The following DCHS1 variants were observed in gnomAD, a reference collection of about 807,000 sequenced individuals.
DCHS1 encodes dachsous cadherin-related 1.
In DCHS1, 78 loss-of-function variants were observed where a neutral mutation model predicts 213.9. That is an observed-to-expected ratio of 0.36 (90% confidence interval 0.30 to 0.44). DCHS1 has a LOEUF of 0.44. Ranked by LOEUF, DCHS1 falls within the 20% of genes least tolerant of loss-of-function variation. The probability of loss-of-function intolerance (pLI) is 1.00; values close to 1 mark genes in which losing one functional copy is unlikely to be tolerated. For missense variants in DCHS1, 3,946 were observed against 4,395.9 expected (o/e 0.90, Z 2.89); for synonymous variants, 1,828 against 1,873.7 (o/e 0.98, Z 0.63).
At chr11:6,646,174 T>C (rs1481027450) in intron 1 of DCHS1, among the ~76,000 whole-genome samples, 1 of 151,818 alleles carries the variant, frequency 6.6e-6, no homozygotes, top group African/African-American at 2.4e-5. Flanking sequence ...ACAGGCCCAG[T>C]GTCACGTATG....
rs546047071 is a variant in DCHS1 at position 6,622,381 on chromosome 11, G to A, written c.9295C>T (p.Leu3099=). The change falls in exon 21 of 21, where the codon CTG becomes TTG. Residue 3099 remains leucine (L), a synonymous_variant. Coordinates refer to ENST00000299441, the MANE Select transcript of DCHS1 (RefSeq NM_003737.4). This position sits in a 1 kb window ranked among gnomAD's most constrained non-coding sequence, Gnocchi z 5.4. ...TAGAGAGTGGCTCCTGCACCTGGCA[G>A]CAGCAGCCCTGCCTTTCGGCCCTTA... ...WYKGRKAGLL[L]PGAGATLYRE... is the part of the protein sequence containing the mutation. The A allele has an allele frequency of 1.2e-4, 185 of 1,564,748 alleles. 2 individuals are homozygous for A. The highest frequency in any genetic ancestry group is 1.2e-3 in the Middle Eastern group (7 of 5,938).
Position 6,633,040 on chromosome 11 carries a change from C to T in DCHS1, c.2472G>A (p.Val824=), listed in dbSNP as rs756173069. The T allele has an allele frequency of 1.2e-6, 2 of 1,606,032 alleles. No homozygotes were observed. The highest frequency in any genetic ancestry group is 3.3e-5 in the Admixed American group (2 of 59,832). ...GATCCCCACCTGATAGGGAAAGGGT[C>T]ACAGGTGCCAAGCGACCTAGGGAGG... The part of the protein sequence containing the change: ...AHNPPGRLAP[V]TLSLSGGDPR... Residue 824 remains valine (V), a synonymous_variant, in exon 6 of 21, where the codon GTG becomes GTA. Coordinates refer to ENST00000299441, the MANE Select transcript of DCHS1 (RefSeq NM_003737.4).
chr11:6,631,944 G>GGA lies in DCHS1; in HGVS notation c.3481+85_3481+86dup. On this transcript the variant is annotated intron_variant, in intron 6 of 20. Coordinates refer to ENST00000299441, the MANE Select transcript of DCHS1 (RefSeq NM_003737.4). ...AATCCTCATTCTCAGGGGCGAGATG[G>GGA]GAGCTGGGGGTTGGGGATCCTGTCT... The GGA allele has an allele frequency of 2.1e-6, 3 of 1,456,344 alleles. No homozygotes were observed. In the South Asian group the frequency reaches 4.4e-5, roughly 21 times the overall value. 90.2% of individuals were successfully genotyped at this position (1,456,344 alleles called of 1,614,324 possible). A position where few individuals can be genotyped will look rare whatever the true frequency, so the allele number is the denominator to read the frequency against.
At position 6,622,708 on chromosome 11, in the gene DCHS1, C is replaced by T. The variant is rs1482262380; in HGVS notation, c.8968G>A (p.Gly2990Ser). 1 of 1,592,064 alleles carries T rather than the reference C, an allele frequency of 6.3e-7. No homozygotes were observed. Among genetic ancestry groups the T allele is most frequent in the Admixed American group, 1.8e-5 (1 of 56,948 alleles). Reference protein sequence around the residue: ...PLASDSLQKLGREPPSPPPSE... With the variant: ...PLASDSLQKLSREPPSPPPSE... ...GGTGGTGGACTAGGTGGCTCCCGGCCCAGTTTCTGCAGTGAGTCACTGGCT... is the reference window on the plus strand; with the variant it reads ...GGTGGTGGACTAGGTGGCTCCCGGCTCAGTTTCTGCAGTGAGTCACTGGCT... Residue 2990 changes from glycine (G) to serine (S), a missense_variant, in exon 21 of 21, where the codon GGC (glycine) becomes AGC (serine). Coordinates refer to ENST00000299441, the MANE Select transcript of DCHS1 (RefSeq NM_003737.4). The surrounding 1 kb of genome is among the most constrained non-coding windows in gnomAD (Gnocchi z 5.4).
Position 6,630,660 on chromosome 11 carries a change from G to C in DCHS1, c.4134C>G (p.Thr1378=). 1 of 1,534,800 alleles carries C rather than the reference G, an allele frequency of 6.5e-7. No individual in the cohort carries two copies. The highest frequency in any genetic ancestry group is 1.2e-5 in the South Asian group (1 of 83,826). ...GCCCTGAGGCCGCATCCAGCGCGAA[G>C]GTGCCCTCGGGATCGGCACCGCCCA... is the stretch of plus-strand genomic sequence containing the variant. The part of the protein sequence containing the change: ...TLVGGADPEG[T]FALDAASGRL... The change falls in exon 10 of 21, where the codon ACC becomes ACG. Residue 1378 remains threonine, a synonymous_variant. Transcript: ENST00000299441.
chr11:6,633,369 G>T (rs751363025), intron 5 of DCHS1, 43 bp downstream of exon 5: 1 of 1,522,160 alleles, frequency 6.6e-7, no homozygotes, highest in East Asian at 2.5e-5. Context: ...TTATACTGGG[G>T]TATTTGGGTC....
chr11:6,636,461 T>C (rs994809100), intron 2 of DCHS1, among the ~76,000 whole-genome samples: 2 of 152,160 alleles, frequency 1.3e-5, no homozygotes, highest in African/African-American at 4.8e-5. Context: ...CCTTCCACCT[T>C]GGCCTCCCAA....
Position 6,626,855 on chromosome 11 carries a change from C to G in DCHS1, c.6184G>C (p.Ala2062Pro). Residue 2062 changes from alanine to proline, a missense_variant, in exon 14 of 21, where the codon GCT becomes CCT. Ala to Pro is a conservative substitution (Grantham distance 27, BLOSUM62 -1). Coordinates refer to ENST00000299441, the MANE Select transcript of DCHS1 (RefSeq NM_003737.4). This position sits in a 1 kb window ranked among gnomAD's most constrained non-coding sequence, Gnocchi z 5.2. ...CGGGGAAAGCGGGGTCCACGCTCAG[C>G]TTCCCCCTGCAGTCCAACAATGATC... is the stretch of plus-strand genomic sequence containing the variant. ...GVIIVGLQGE[A>P]ERGPRFPRAS... 6.2e-7 allele frequency: 1 copy of G among 1,613,512 alleles called. No individual in the cohort carries two copies. The highest frequency in any genetic ancestry group is 8.5e-7 in the Non-Finnish European group (1 of 1,179,878).
Position 6,629,416 on chromosome 11 carries a change from C to T in DCHS1, c.5161+36G>A, listed in dbSNP as rs140834599. 1.3e-3 allele frequency: 2,131 copies of T among 1,609,338 alleles called. 14 individuals carry two copies. In the African/African-American group the frequency reaches 0.023, roughly 17 times the overall value. ...CCAGGTAACACTGGTGTTTACAACA[C>T]CTCACTCAGGCTCTTGGGGTCCTGT... On this transcript the variant is annotated intron_variant, in intron 12 of 20. Transcript: ENST00000299441.
chr11:6,636,886 C>A (rs114883136), intron 2 of DCHS1, among the ~76,000 whole-genome samples: 264 of 152,348 alleles, frequency 1.7e-3, no homozygotes, highest in African/African-American at 6.1e-3. Context: ...ATCCAGATGG[C>A]TGCTCAGCAC....
Position 6,622,558 on chromosome 11 carries a change from C to A in DCHS1, c.9118G>T (p.Glu3040Ter). 1 of 1,580,228 alleles carries A rather than the reference C, an allele frequency of 6.3e-7. No homozygotes were observed. The highest frequency in any genetic ancestry group is 2.3e-5 in the East Asian group (1 of 43,202). Residue 3040 changes from glutamate to a stop codon, truncating the protein, a stop_gained, in exon 21 of 21, where the codon GAG becomes TAG. Coordinates refer to ENST00000299441, the MANE Select transcript of DCHS1 (RefSeq NM_003737.4). LOFTEE classifies it high-confidence loss of function. This position sits in a 1 kb window ranked among gnomAD's most constrained non-coding sequence, Gnocchi z 5.4. ...SSGRGSAEAA[E>*]DDEIRMINEF... is the part of the protein sequence containing the mutation. ...TTGATCATGCGGATCTCATCATCCTCTGCAGCCTCTGCTGATCCTCGGCCA... is the reference window on the plus strand; with the variant it reads ...TTGATCATGCGGATCTCATCATCCTATGCAGCCTCTGCTGATCCTCGGCCA...
rs369080717 is a variant in DCHS1 at position 6,623,947 on chromosome 11, G to A, written c.7729C>T (p.Arg2577Cys). 14 of 1,606,246 alleles carry A rather than the reference G, an allele frequency of 8.7e-6. No homozygotes were observed. The highest frequency in any genetic ancestry group is 2.7e-5 in the African/African-American group (2 of 74,758). Residue 2577 changes from arginine (R) to cysteine (C), a missense_variant, in exon 21 of 21, where the codon CGT becomes TGT. Transcript: ENST00000299441. Reference sequence around the variant, plus strand: ...ACTGAGCTTTGGGGTGGCTGCCCACGGTCAGCTGCAGCCACTGTTAGATTG... The same window carrying A: ...ACTGAGCTTTGGGGTGGCTGCCCACAGTCAGCTGCAGCCACTGTTAGATTG... ...QYNLTVAAAD[R>C]GQPPQSSVVP... is the part of the protein sequence containing the mutation.
rs1285083354 is a variant in DCHS1 at position 6,630,797 on chromosome 11, C to T, written c.3997G>A (p.Val1333Met). Reference protein sequence around the residue: ...DLAERDPAAPVPVVLTVTAAE... With the variant: ...DLAERDPAAPMPVVLTVTAAE... ...GCTGTCACCGTCAGCACGACAGGCA[C>T]TGGTGCCGCTGGGTCCCGCTCTGCG... Residue 1333 changes from valine (V) to methionine (M), a missense_variant, in exon 10 of 21, where the codon GTG (valine) becomes ATG (methionine). This residue lies in a region of DCHS1 where 3,384 missense variants were observed against 3,780.1 expected (regional missense o/e 0.90). Transcript: ENST00000299441. 1 of 1,543,860 alleles carries T rather than the reference C, an allele frequency of 6.5e-7. No homozygotes were observed. Among genetic ancestry groups the T allele is most frequent in the Admixed American group, 2.0e-5 (1 of 50,608 alleles).
intron 9 of DCHS1, 62 bp downstream of exon 9, chr11:6,630,991 T>A: frequency 6.5e-7 from 1 of 1,542,782 alleles, no homozygotes; most frequent in Non-Finnish European, 8.7e-7. Flanking sequence ...AGGATTCCCG[T>A]GAAGCTGGAG....
chr11:6,653,780 T>G (rs2134664492), intron 1 of DCHS1, among the ~76,000 whole-genome samples: 1 of 152,150 alleles, frequency 6.6e-6, no homozygotes, highest in African/African-American at 2.4e-5. Context: ...CCTTAGCATA[T>G]GAGCTGGAAA....
chr11:6,624,168 G>C lies in DCHS1; in HGVS notation c.7508C>G (p.Thr2503Ser). 6.2e-7 allele frequency: 1 copy of C among 1,613,100 alleles called. No homozygotes were observed. Residue 2503 changes from threonine to serine, a missense_variant, in exon 21 of 21, where the codon ACC becomes AGC. Physicochemically the swap from Thr to Ser is moderately conservative, Grantham distance 58. Around this residue, in one of 3 missense-constraint regions of DCHS1, gnomAD observed 3,384 missense variants for 3,780.1 expected, o/e 0.90. Transcript: ENST00000299441. ...TCCATCAGCATCTGTAGCCTCCAGGGTGAGCAGAGTGGAGCCAGGGGGCAG... is the reference window on the plus strand; with the variant it reads ...TCCATCAGCATCTGTAGCCTCCAGGCTGAGCAGAGTGGAGCCAGGGGGCAG... ...EDLPPGSTLL[T>S]LEATDADGSR... is the part of the protein sequence containing the mutation.
Position 6,640,462 on chromosome 11 carries a change from G to T in DCHS1, c.1152C>A (p.Leu384=). ...QVSEAAPPGQ[L]VARISVSDPD... The stretch of plus-strand genomic sequence containing the variant: ...GGTCTGACACAGAGATGCGAGCAAC[G>T]AGCTGTCCAGGTGGGGCGGCCTCAG... The change falls in exon 2 of 21, where the codon CTC becomes CTA. Residue 384 remains leucine (L), a synonymous_variant. Transcript: ENST00000299441. This position sits in a 1 kb window ranked among gnomAD's most constrained non-coding sequence, Gnocchi z 6.5. The T allele has an allele frequency of 6.2e-7, 1 of 1,613,762 alleles. No homozygotes were observed. The highest frequency in any genetic ancestry group is 2.2e-5 in the East Asian group (1 of 44,882).
Position 6,632,158 on chromosome 11 carries a change from C to A in DCHS1, c.3354G>T (p.Gln1118His). The stretch of plus-strand genomic sequence containing the variant: ...CTCGGCCCACGCTGGTCCCTGGGGG[C>A]TGGTTCTCAGCCACAGCCAGGAAGG... ...DPTFLAVAEN[Q>H]PPGTSVGRVF... The change falls in exon 6 of 21, where the codon CAG becomes CAT. Residue 1118 changes from glutamine to histidine, a missense_variant. Gln to His is a conservative substitution (Grantham distance 24). Around this residue, in one of 3 missense-constraint regions of DCHS1, gnomAD observed 3,384 missense variants for 3,780.1 expected, o/e 0.90. Coordinates refer to ENST00000299441, the MANE Select transcript of DCHS1 (RefSeq NM_003737.4). The surrounding 1 kb of genome is among the most constrained non-coding windows in gnomAD (Gnocchi z 5.9). The A allele has an allele frequency of 6.3e-7, 1 of 1,593,904 alleles. No individual in the cohort carries two copies. Among genetic ancestry groups the A allele is most frequent in the Non-Finnish European group, 8.6e-7 (1 of 1,166,692 alleles).
rs191954665 is a variant in DCHS1, at chr11:6,643,351, C to T, written c.-120-1618G>A. Among the ~76,000 whole-genome samples, 573 of 152,330 alleles carry T rather than the reference C, an allele frequency of 3.8e-3. 3 individuals carry two copies. Among genetic ancestry groups the T allele is most frequent in the African/African-American group, 0.013 (539 of 41,564 alleles). ...CACTTCTCACACTCTCCTCCCTCTACGCAGTGAGGCTTCCTTTCTTGTGAC... is the reference window on the plus strand; with the variant it reads ...CACTTCTCACACTCTCCTCCCTCTATGCAGTGAGGCTTCCTTTCTTGTGAC... On this transcript the variant is annotated intron_variant, in intron 1 of 20. Transcript: ENST00000299441.
Sources: gnomAD v4.1 joint callset for allele counts (sites outside exome capture counted in the v4.1 genomes callset) on GRCh38, gnomAD v4.1.1 for gene constraint, gnomAD v4.1.1 regional missense constraint, Gnocchi (gnomAD v3.1) non-coding constraint, MANE v1.5 for transcripts, NCBI Gene and HGNC (gene_info 2026-07-23, HGNC 2026-07-21) for gene names.